Variants in ZBTB24 observed in about 807,000 individuals in gnomAD.
The protein encoded by ZBTB24 is zinc finger and BTB domain-containing protein 24.
In ZBTB24, 32 loss-of-function variants were observed where a neutral mutation model predicts 53.8. The observed-to-expected ratio is 0.60, with a 90% CI of 0.45 to 0.80. The LOEUF is 0.80. Ranked by LOEUF, ZBTB24 falls within the 30% of genes least tolerant of loss-of-function variation. ZBTB24 has a pLI of 0.00. For missense variants in ZBTB24, 722 were observed against 837.1 expected (o/e 0.86, Z 1.70); for synonymous variants, 297 against 306.7 (o/e 0.97, Z 0.33).
intron 5 of ZBTB24, among the ~76,000 whole-genome samples, chr6:109,469,243 C>G (rs1183786462): frequency 6.6e-6 from 1 of 152,224 alleles, no homozygotes; most frequent in Non-Finnish European, 1.5e-5. Context: ...GGTTTTCTCC[C>G]TCTCCAGATT....
At chr6:109,476,147 C>A in intron 4 of ZBTB24, 28 bp downstream of exon 4, 1 of 1,608,870 alleles carries the variant, frequency 6.2e-7, no homozygotes, top group Non-Finnish European at 8.5e-7. Context: ...TCTTCCCCCC[C>A]AATCTAAATG....
chr6:109,472,768 T>C (rs1776192977), intron 5 of ZBTB24, among the ~76,000 whole-genome samples: 1 of 152,184 alleles, frequency 6.6e-6, no homozygotes, highest in Admixed American at 6.5e-5. Flanking sequence ...ACAATCTAAC[T>C]CCTGATCTGT....
At chr6:109,469,575 C>G (rs1299595768) in intron 5 of ZBTB24, among the ~76,000 whole-genome samples, 1 of 152,156 alleles carries the variant, frequency 6.6e-6, no homozygotes, top group African/African-American at 2.4e-5. Flanking sequence ...CACAGCTCTA[C>G]CACCTTCAAT....
intron 2 of ZBTB24, among the ~76,000 whole-genome samples, chr6:109,477,974 TG>T (rs1480408902): frequency 6.6e-6 from 1 of 152,094 alleles, no homozygotes; most frequent in African/African-American, 2.4e-5. Context: ...ACTGACTGAG[TG>T]GTTAAGTTAA....
Position 109,475,481 on chromosome 6 carries a change from G to A in ZBTB24, c.1206C>T (p.Gly402=), listed in dbSNP as rs921365575. The A allele has an allele frequency of 3.7e-6, 6 of 1,613,960 alleles. No individual in the cohort carries two copies. The African/African-American group carries it at 6.7e-5, about 18-fold the overall frequency. ...QLKSHYRVHT[G]HSLPECKDCH... is the part of the protein sequence containing the mutation. ...AGTCTTTGCATTCCGGTAATGAGTG[G>A]CCTTGTCGCAACAATAAAAAAAGTG... Residue 402 remains glycine (G), a splice_region_variant and synonymous_variant, in exon 5 of 7, where the codon GGC becomes GGT. Coordinates refer to ENST00000230122, the MANE Select transcript of ZBTB24 (RefSeq NM_014797.3).
chr6:109,476,074 C>T lies in ZBTB24; in HGVS notation c.1204+101G>A, dbSNP rs1042953028. ...CTTTTCCCTAAATACCCTATGTGAA[C>T]GATATGTGCTAAGAGCAGAACAATA... On this transcript the variant is annotated intron_variant, in intron 4 of 6. Coordinates refer to ENST00000230122, the MANE Select transcript of ZBTB24 (RefSeq NM_014797.3). 2.5e-5 allele frequency: 33 copies of T among 1,339,500 alleles called. 1 individual carries two copies. Among genetic ancestry groups the T allele is most frequent in the South Asian group, 1.5e-4 (12 of 79,170 alleles). 83.0% of individuals were successfully genotyped at this position (1,339,500 alleles called of 1,614,324 possible). A position where few individuals can be genotyped will look rare whatever the true frequency, so the allele number is the denominator to read the frequency against.
intron 5 of ZBTB24, among the ~76,000 whole-genome samples, chr6:109,469,063 G>C (rs1344727128): frequency 1.3e-5 from 2 of 152,164 alleles, no homozygotes; most frequent in Non-Finnish European, 2.9e-5. Context: ...GAAAATTCAG[G>C]CAAGACATTT....
Position 109,464,634 on chromosome 6 carries a change from A to C in ZBTB24, c.*1217T>G, listed in dbSNP as rs1407299075. 1 of 152,194 alleles carries C rather than the reference A, an allele frequency of 6.6e-6. No individual in the cohort carries two copies. The highest frequency in any genetic ancestry group is 6.5e-5 in the Admixed American group (1 of 15,268). The allele number at this position is 152,194 out of a possible 1,614,324, so 9.4% of individuals were successfully genotyped here. ...GCTGGCTACAAAGTCTCTGAGGCTC[A>C]AAGTTTTAAGATTAGATGAAGATTA... is the stretch of plus-strand genomic sequence containing the variant. On this transcript the variant is annotated 3_prime_UTR_variant, in exon 7 of 7. Coordinates refer to ENST00000230122, the MANE Select transcript of ZBTB24 (RefSeq NM_014797.3).
chr6:109,474,888 T>C (rs890760611), intron 5 of ZBTB24, among the ~76,000 whole-genome samples: 8 of 150,652 alleles, frequency 5.3e-5, no homozygotes, highest in Non-Finnish European at 1.0e-4. Flanking sequence ...AATTAAAAAA[T>C]AAAAAATTAG....
chr6:109,482,062 A>C lies in ZBTB24; in HGVS notation c.-28-8T>G. On this transcript the variant is annotated splice_region_variant and splice_polypyrimidine_tract_variant and intron_variant, in intron 1 of 6. Transcript: ENST00000230122. The stretch of plus-strand genomic sequence containing the variant: ...AGCCACTAAGGGTTAAATCTGAAAT[A>C]AGAAAACAAGGTTTAAAAAGGAGAA... 6.3e-7 allele frequency: 1 copy of C among 1,594,238 alleles called. No individual in the cohort carries two copies. Among genetic ancestry groups the C allele is most frequent in the South Asian group, 1.1e-5 (1 of 90,424 alleles).
chr6:109,469,907 TG>T (rs961451287), intron 5 of ZBTB24, among the ~76,000 whole-genome samples: 1 of 152,014 alleles, frequency 6.6e-6, no homozygotes, highest in African/African-American at 2.4e-5. Context: ...CAAGGATCAC[TG>T]TCAGGAGTCA....
Position 109,481,585 on chromosome 6 carries a change from C to T in ZBTB24, c.442G>A (p.Val148Ile). ...TTLNTAGAPV[V>I]VISNKKNDPP... is the part of the protein sequence containing the mutation. ...TCGTTTTTCTTATTAGAGATAACAA[C>T]CACTGGGGCACCAGCAGTGTTCAAA... The change falls in exon 2 of 7, where the codon GTT (valine) becomes ATT (isoleucine). Residue 148 changes from valine (V) to isoleucine (I), a missense_variant. Val to Ile is a conservative substitution (Grantham distance 29, BLOSUM62 3). Transcript: ENST00000230122. The T allele has an allele frequency of 6.2e-7, 1 of 1,614,172 alleles. No individual in the cohort carries two copies. Among genetic ancestry groups the T allele is most frequent in the Non-Finnish European group, 8.5e-7 (1 of 1,180,046 alleles).
chr6:109,475,871 T>A (rs1276768502), intron 4 of ZBTB24, among the ~76,000 whole-genome samples: 1 of 152,260 alleles, frequency 6.6e-6, no homozygotes, highest in African/African-American at 2.4e-5. Context: ...ATGATGTCTC[T>A]GCCCAGGCAC....
chr6:109,473,344 T>A (rs1776208719), intron 5 of ZBTB24, among the ~76,000 whole-genome samples: 1 of 152,078 alleles, frequency 6.6e-6, no homozygotes, highest in South Asian at 2.1e-4. Flanking sequence ...CGTCTCCAGC[T>A]TGTCAAAAAC....
chr6:109,472,752 CA>C (rs1262710157), intron 5 of ZBTB24, among the ~76,000 whole-genome samples: 1 of 152,224 alleles, frequency 6.6e-6, no homozygotes, highest in Non-Finnish European at 1.5e-5. Flanking sequence ...AGACACCAAC[CA>C]GTCCACAATC....
At chr6:109,483,031 G>C (rs1156635898) in intron 1 of ZBTB24, 67 bp downstream of exon 1, 1 of 152,154 alleles carries the variant, frequency 6.6e-6, no homozygotes, top group South Asian at 2.1e-4. Context: ...CACGGCGGGG[G>C]AGGGGTCGGC....
At chr6:109,477,021 T>C in intron 2 of ZBTB24, 91 bp from the exon 3 acceptor site, 1 of 1,521,314 alleles carries the variant, frequency 6.6e-7, no homozygotes, top group East Asian at 2.4e-5. Flanking sequence ...AGGATTTTTC[T>C]TAAAAGGCAC....
At chr6:109,482,850 G>T (rs1428029405) in intron 1 of ZBTB24, among the ~76,000 whole-genome samples, 1 of 152,244 alleles carries the variant, frequency 6.6e-6, no homozygotes, top group Non-Finnish European at 1.5e-5. Flanking sequence ...CGTGCAAAGT[G>T]AATGTGAGGT....
rs747559831 is a variant in ZBTB24 at position 109,465,999 on chromosome 6, T to C, written c.1946A>G (p.His649Arg). ...TLSKETLEHL[H>R]AHQEQTEELH... ...CTCCTCTGTTTGCTCTTGATGGGCATGAAGATGTTCCAGTGTTTCCTTGGA... is the reference window on the plus strand; with the variant it reads ...CTCCTCTGTTTGCTCTTGATGGGCACGAAGATGTTCCAGTGTTTCCTTGGA... The change falls in exon 7 of 7, where the codon CAT becomes CGT. Residue 649 changes from histidine to arginine, a missense_variant. Physicochemically the swap from His to Arg is conservative, Grantham distance 29. Coordinates refer to ENST00000230122, the MANE Select transcript of ZBTB24 (RefSeq NM_014797.3). 9 of 1,614,086 alleles carry C rather than the reference T, an allele frequency of 5.6e-6. No homozygotes were observed. In the East Asian group the frequency reaches 1.1e-4, roughly 20 times the overall value.
Sources: gnomAD v4.1 joint callset for allele counts (sites outside exome capture counted in the v4.1 genomes callset) on GRCh38, gnomAD v4.1.1 for gene constraint, MANE v1.5 for transcripts, NCBI Gene and HGNC (gene_info 2026-07-23, HGNC 2026-07-21) for gene names.